Variants in KCNJ6 observed in about 807,000 individuals in gnomAD.
The protein encoded by KCNJ6 is G protein-activated inward rectifier potassium channel 2.
In KCNJ6, 9 loss-of-function variants were observed where a neutral mutation model predicts 34.2. That is an observed-to-expected ratio of 0.26 (90% CI 0.16 to 0.46). KCNJ6 has a LOEUF of 0.46. KCNJ6 is among the 20% of genes least tolerant of loss of function. The probability of loss-of-function intolerance (pLI) is 1.00; values close to 1 mark genes in which losing one functional copy is unlikely to be tolerated. For missense variants in KCNJ6, 236 were observed against 531.3 expected (o/e 0.44, Z 5.46); for synonymous variants, 196 against 207.1 (o/e 0.95, Z 0.46).
intron 3 of KCNJ6, among the ~76,000 whole-genome samples, chr21:37,687,986 G>A (rs1022409187): frequency 6.6e-6 from 1 of 152,122 alleles, no homozygotes; most frequent in African/African-American, 2.4e-5. Context: ...AAGTGTTTTT[G>A]TTCACTGAGT....
chr21:37,839,655 T>C (rs1270944807), intron 2 of KCNJ6, among the ~76,000 whole-genome samples: 1 of 152,158 alleles, frequency 6.6e-6, no homozygotes, highest in Non-Finnish European at 1.5e-5. Flanking sequence ...ATGAAATCTA[T>C]CATCAGGAGA....
chr21:37,714,180 C>T lies in KCNJ6; in HGVS notation c.946+31G>A, dbSNP rs373162539. ...TCCAGTTTAAAATGAGCATCTATCC[C>T]ACAGCCATCCCAGGATAGAACACAT... is the stretch of plus-strand genomic sequence containing the variant. On this transcript the variant is annotated intron_variant, in intron 3 of 3. Coordinates refer to ENST00000609713, the MANE Select transcript of KCNJ6 (RefSeq NM_002240.5). The surrounding 1 kb of genome is among the most constrained non-coding windows in gnomAD (Gnocchi z 5.9). 30 of 1,496,806 alleles carry T rather than the reference C, an allele frequency of 2.0e-5. No individual in the cohort carries two copies. The highest frequency in any genetic ancestry group is 1.8e-4 in the Middle Eastern group (1 of 5,438). The allele number at this position is 1,496,806 out of a possible 1,614,324, so 92.7% of individuals were successfully genotyped here.
At chr21:37,843,186 C>T (rs76532564) in intron 1 of KCNJ6, among the ~76,000 whole-genome samples, 12,141 of 152,146 alleles carry the variant, frequency 0.08, 543 homozygotes, top group African/African-American at 0.11. Context: ...GACCTAAGGA[C>T]CCTGCCACAT....
At position 37,621,038 on chromosome 21, in the gene KCNJ6, G is replaced by A. The variant is rs1362354358; in HGVS notation, c.*4121C>T. 1 of 152,198 alleles carries A rather than the reference G, an allele frequency of 6.6e-6. No individual in the cohort carries two copies. Among genetic ancestry groups the A allele is most frequent in the Non-Finnish European group, 1.5e-5 (1 of 68,030 alleles). 9.4% of individuals were successfully genotyped at this position (152,198 alleles called of 1,614,324 possible). A position where few individuals can be genotyped will look rare whatever the true frequency, so the allele number is the denominator to read the frequency against. ...TAATGTTATTTTAGTGTATTGTAAA[G>A]TAATATCAATGAATCATCTATTATG... On this transcript the variant is annotated 3_prime_UTR_variant, in exon 4 of 4. Coordinates refer to ENST00000609713, the MANE Select transcript of KCNJ6 (RefSeq NM_002240.5).
At chr21:37,913,746 A>G (rs2055878378) in intron 1 of KCNJ6, among the ~76,000 whole-genome samples, 1 of 152,174 alleles carries the variant, frequency 6.6e-6, no homozygotes. Flanking sequence ...TGAAACCGGG[A>G]CGCAGAGGTT....
At chr21:37,716,397 A>G (rs1286369157) in intron 2 of KCNJ6, among the ~76,000 whole-genome samples, 1 of 93,148 alleles carries the variant, frequency 1.1e-5, no homozygotes, top group Non-Finnish European at 2.3e-5. Flanking sequence ...TTTTTTTTTT[A>G]GAGATAGGGT....
At chr21:37,804,302 T>C (rs1456946862) in intron 2 of KCNJ6, among the ~76,000 whole-genome samples, 1 of 152,126 alleles carries the variant, frequency 6.6e-6, no homozygotes, top group Non-Finnish European at 1.5e-5. Flanking sequence ...AAACATTGAA[T>C]TACCACATGA....
chr21:37,719,989 A>AAG (rs2054816086), intron 2 of KCNJ6, among the ~76,000 whole-genome samples: 1 of 152,164 alleles, frequency 6.6e-6, no homozygotes, highest in Non-Finnish European at 1.5e-5. Context: ...AGACTTTTTA[A>AAG]TGTCGTGGGG....
chr21:37,834,957 G>T (rs190499087), intron 2 of KCNJ6, among the ~76,000 whole-genome samples: 10 of 152,286 alleles, frequency 6.6e-5, no homozygotes, highest in Middle Eastern at 3.4e-3. Context: ...CCTCTTCTCT[G>T]CTCCATGTGG....
At chr21:37,854,529 T>C (rs189022862) in intron 1 of KCNJ6, among the ~76,000 whole-genome samples, 2 of 152,290 alleles carry the variant, frequency 1.3e-5, no homozygotes, top group African/African-American at 2.4e-5. Flanking sequence ...GGTTAGTGTA[T>C]ACAAAAATAC....
At chr21:37,699,318 T>G (rs1452510904) in intron 3 of KCNJ6, among the ~76,000 whole-genome samples, 4 of 152,206 alleles carry the variant, frequency 2.6e-5, no homozygotes, top group African/African-American at 7.2e-5. Flanking sequence ...CCTTGCCTGT[T>G]GAGTTTTTAC....
intron 3 of KCNJ6, among the ~76,000 whole-genome samples, chr21:37,633,886 C>G (rs996966565): frequency 2.0e-5 from 3 of 151,498 alleles, no homozygotes; most frequent in African/African-American, 7.3e-5. Context: ...TCCCAAGTTA[C>G]TTTATAGATT....
chr21:37,802,106 A>G (rs890195804), intron 2 of KCNJ6, among the ~76,000 whole-genome samples: 1 of 152,158 alleles, frequency 6.6e-6, no homozygotes, highest in East Asian at 1.9e-4. Context: ...GCCTATTACT[A>G]CCTATGATGA....
chr21:37,670,557 G>A (rs895230529), intron 3 of KCNJ6, among the ~76,000 whole-genome samples: 2 of 152,166 alleles, frequency 1.3e-5, no homozygotes, highest in African/African-American at 4.8e-5. Flanking sequence ...TTGAGCTCAG[G>A]AGTTTGAAAC....
chr21:37,915,884 C>T lies in KCNJ6; in HGVS notation c.-28G>A, dbSNP rs1476979759. On this transcript the variant is annotated splice_region_variant and 5_prime_UTR_variant, in exon 1 of 4. Transcript: ENST00000609713. Reference sequence around the variant, plus strand: ...GCGAGCAGCTCAGCGCACCGCTTACCTGGCTGCGGACGGGGTGGCTTCACT... The same window carrying T: ...GCGAGCAGCTCAGCGCACCGCTTACTTGGCTGCGGACGGGGTGGCTTCACT... The T allele has an allele frequency of 6.6e-6, 1 of 152,340 alleles. No individual in the cohort carries two copies. Among genetic ancestry groups the T allele is most frequent in the Non-Finnish European group, 1.5e-5 (1 of 68,128 alleles). 9.4% of individuals were successfully genotyped at this position (152,340 alleles called of 1,614,324 possible).
At chr21:37,722,914 A>G (rs1712415280) in intron 2 of KCNJ6, among the ~76,000 whole-genome samples, 2 of 152,232 alleles carry the variant, frequency 1.3e-5, no homozygotes, top group African/African-American at 4.8e-5. Flanking sequence ...AAACAATTGC[A>G]ACAAGTCAAA....
At chr21:37,657,971 C>T (rs2054471807) in intron 3 of KCNJ6, among the ~76,000 whole-genome samples, 1 of 152,226 alleles carries the variant, frequency 6.6e-6, no homozygotes, top group African/African-American at 2.4e-5. Context: ...GTTTTCCTTG[C>T]CTTGCCTTGC....
intron 2 of KCNJ6, among the ~76,000 whole-genome samples, chr21:37,739,913 G>A (rs373077817): frequency 2.0e-5 from 3 of 147,700 alleles, no homozygotes; most frequent in Non-Finnish European, 3.0e-5. Context: ...CTTTAGGTTT[G>A]AAAAAAAAAA....
intron 3 of KCNJ6, among the ~76,000 whole-genome samples, chr21:37,668,160 G>A (rs781463810): frequency 6.6e-6 from 1 of 152,134 alleles, no homozygotes; most frequent in Non-Finnish European, 1.5e-5. Flanking sequence ...CATGCTGAAA[G>A]CATACCCCCT....
Sources: gnomAD v4.1 joint callset for allele counts (sites outside exome capture counted in the v4.1 genomes callset) on GRCh38, gnomAD v4.1.1 for gene constraint, Gnocchi (gnomAD v3.1) non-coding constraint, MANE v1.5 for transcripts, NCBI Gene and HGNC (gene_info 2026-07-23, HGNC 2026-07-21) for gene names.